DIS3L2: variants seen among roughly 807,000 people sequenced by gnomAD.
The protein encoded by DIS3L2 is DIS3-like exonuclease 2.
Under a neutral mutation model 97.5 loss-of-function variants are expected in DIS3L2, and 34 were observed. The ratio of observed to expected loss-of-function variants is 0.35; its 90% CI spans 0.27 to 0.46. The LOEUF is 0.46. Among genes scored for constraint, DIS3L2 ranks in the 20% least tolerant of loss-of-function variants. DIS3L2 has a pLI of 1.00. For synonymous variants in DIS3L2, 435 were observed against 445.2 expected (o/e 0.98, Z 0.29); for missense variants, 1,038 against 1,146.0 (o/e 0.91, Z 1.36).
intron 5 of DIS3L2, among the ~76,000 whole-genome samples, chr2:232,072,783 G>GGGGT (rs1401996898): frequency 1.3e-3 from 182 of 139,906 alleles, no homozygotes; most frequent in South Asian, 2.7e-3. Flanking sequence ...TGGGATGTGG[G>GGGGT]GTGTGTGTGT....
intron 6 of DIS3L2, among the ~76,000 whole-genome samples, chr2:232,121,276 C>T (rs1417533667): frequency 6.6e-6 from 1 of 152,198 alleles, no homozygotes; most frequent in Non-Finnish European, 1.5e-5. Flanking sequence ...TTTGTCTTCT[C>T]TGATTCCATA....
chr2:232,321,983 A>G (rs908074484), intron 14 of DIS3L2, among the ~76,000 whole-genome samples: 4 of 152,184 alleles, frequency 2.6e-5, no homozygotes, highest in African/African-American at 9.6e-5. Flanking sequence ...GTGGAAAGCC[A>G]GGTTCAGATG....
intron 1 of DIS3L2, among the ~76,000 whole-genome samples, chr2:232,012,026 A>T (rs894815091): frequency 2.0e-5 from 3 of 152,160 alleles, no homozygotes; most frequent in African/African-American, 7.2e-5. Flanking sequence ...TTGGTACCCA[A>T]ATGTGGCCTT....
At chr2:232,035,068 T>G (rs943852650) in intron 5 of DIS3L2, among the ~76,000 whole-genome samples, 2 of 152,168 alleles carry the variant, frequency 1.3e-5, no homozygotes, top group African/African-American at 4.8e-5. Context: ...TGACAGTGTC[T>G]TTTTGTCTTG....
At chr2:232,192,320 A>G (rs1691636985) in intron 9 of DIS3L2, among the ~76,000 whole-genome samples, 1 of 152,196 alleles carries the variant, frequency 6.6e-6, no homozygotes, top group Admixed American at 6.5e-5. Context: ...CTGAGGTCAC[A>G]TGACTGAGGG....
intron 1 of DIS3L2, among the ~76,000 whole-genome samples, chr2:231,982,583 T>C (rs1243745805): frequency 6.6e-6 from 1 of 152,198 alleles, no homozygotes; most frequent in Non-Finnish European, 1.5e-5. Context: ...TATATTACCA[T>C]TTAGTGAGAA....
At chr2:232,319,896 G>T (rs2106338411) in intron 14 of DIS3L2, among the ~76,000 whole-genome samples, 1 of 152,338 alleles carries the variant, frequency 6.6e-6, no homozygotes, top group Non-Finnish European at 1.5e-5. Context: ...CTGCCTGAAA[G>T]GACTCAGGGC....
At chr2:232,200,478 GAT>G (rs1691861022) in intron 9 of DIS3L2, among the ~76,000 whole-genome samples, 1 of 152,142 alleles carries the variant, frequency 6.6e-6, no homozygotes, top group African/African-American at 2.4e-5. Flanking sequence ...TTGCCACAGG[GAT>G]ATAGAGGCTC....
Position 232,136,669 on chromosome 2 carries a change from G to A in DIS3L2, c.900G>A (p.Leu300=), listed in dbSNP as rs749634733. 1 of 1,613,896 alleles carries A rather than the reference G, an allele frequency of 6.2e-7. No individual in the cohort carries two copies. Among genetic ancestry groups the A allele is most frequent in the Non-Finnish European group, 8.5e-7 (1 of 1,179,916 alleles). Residue 300 remains leucine (L), a synonymous_variant, in exon 8 of 21, where the codon CTG becomes CTA. Coordinates refer to ENST00000325385, the MANE Select transcript of DIS3L2 (RefSeq NM_152383.5). ...VARPKDYANT[L]FICRIVDWKE... is the part of the protein sequence containing the mutation. Reference sequence around the variant, plus strand: ...GGCCTAAAGATTATGCCAACACACTGTTCATCTGCCGCATTGTGGACTGGA... The same window carrying A: ...GGCCTAAAGATTATGCCAACACACTATTCATCTGCCGCATTGTGGACTGGA...
At chr2:232,109,741 A>G (rs12479142) in intron 6 of DIS3L2, among the ~76,000 whole-genome samples, 9,005 of 152,292 alleles carry the variant, frequency 0.059, 344 homozygotes, top group Admixed American at 0.098. Flanking sequence ...ACTTAAATGT[A>G]AAACCCTAAA....
Position 232,258,598 on chromosome 2 carries a change from CAAAAA to C in DIS3L2, c.1426-4591_1426-4587del, listed in dbSNP as rs35525137. Among the ~76,000 whole-genome samples, 52 of 74,642 alleles carry C rather than the reference CAAAAA, an allele frequency of 7.0e-4. No homozygotes were observed. In the South Asian group the frequency reaches 0.026, roughly 38 times the overall value. 49.0% of individuals were successfully genotyped at this position (74,642 alleles called of 152,430 possible). A position where few individuals can be genotyped will look rare whatever the true frequency, so the allele number is the denominator to read the frequency against. ...AGAGTGACAGAGCGAGACTCTGTCT[CAAAAA>C]AAAAAAAAAAAAAAAAAGGAAAGAG... On this transcript the variant is annotated intron_variant, in intron 12 of 20. Transcript: ENST00000325385.
chr2:232,175,132 C>G (rs1691116487), intron 9 of DIS3L2, among the ~76,000 whole-genome samples: 1 of 152,062 alleles, frequency 6.6e-6, no homozygotes, highest in Non-Finnish European at 1.5e-5. Context: ...TCAGCCCAGT[C>G]TTTCAATATT....
chr2:231,969,767 G>A (rs1372769721), intron 1 of DIS3L2, among the ~76,000 whole-genome samples: 3 of 152,118 alleles, frequency 2.0e-5, no homozygotes, highest in Non-Finnish European at 4.4e-5. Context: ...GATGGTGAGA[G>A]CAGATTACTT....
rs965838968 is a variant in DIS3L2, at chr2:232,000,033, A to G, written c.-93-14802A>G. Among the ~76,000 whole-genome samples, 3 of 152,122 alleles carry G rather than the reference A, an allele frequency of 2.0e-5. No individual in the cohort carries two copies. In the South Asian group the frequency reaches 6.2e-4, roughly 32 times the overall value. On this transcript the variant is annotated intron_variant, in intron 1 of 20. Transcript: ENST00000325385. Reference sequence around the variant, plus strand: ...ACAGGGGATTAGTTCCAGGACTCCTACAGCTACCAAAAAATGTGGATGCTC... The same window carrying G: ...ACAGGGGATTAGTTCCAGGACTCCTGCAGCTACCAAAAAATGTGGATGCTC...
At chr2:232,072,683 A>G (rs1181012926) in intron 5 of DIS3L2, among the ~76,000 whole-genome samples, 1 of 152,120 alleles carries the variant, frequency 6.6e-6, no homozygotes, top group African/African-American at 2.4e-5. Context: ...GACCCCTTAC[A>G]TGGCTATTGC....
chr2:232,316,549 C>T lies in DIS3L2; in HGVS notation c.1740-13264C>T, dbSNP rs75257974. ...GGGAGCGTGGAATCTGTGAGGAAGCCGAGGCAAGCTGTTAGGATTCTGTTC... is the reference window on the plus strand; with the variant it reads ...GGGAGCGTGGAATCTGTGAGGAAGCTGAGGCAAGCTGTTAGGATTCTGTTC... On this transcript the variant is annotated intron_variant, in intron 14 of 20. Coordinates refer to ENST00000325385, the MANE Select transcript of DIS3L2 (RefSeq NM_152383.5). 2.1e-4 allele frequency among the ~76,000 whole-genome samples: 32 copies of T among 152,206 alleles called. No homozygotes were observed. The South Asian group carries it at 5.2e-3, about 25-fold the overall frequency.
Position 232,037,288 on chromosome 2 carries a change from T to C in DIS3L2, c.366+7208T>C, listed in dbSNP as rs3116234. Reference sequence around the variant, plus strand: ...TGGCTACAGGGGCTTTGCGGTGCTGTGGTGGGCTCCGCCCAGCTTGAACTT... The same window carrying C: ...TGGCTACAGGGGCTTTGCGGTGCTGCGGTGGGCTCCGCCCAGCTTGAACTT... On this transcript the variant is annotated intron_variant, in intron 5 of 20. Coordinates refer to ENST00000325385, the MANE Select transcript of DIS3L2 (RefSeq NM_152383.5). This position sits in a 1 kb window ranked among gnomAD's most constrained non-coding sequence, Gnocchi z 4.6. 0.79 allele frequency among the ~76,000 whole-genome samples: 120,964 copies of C among 152,212 alleles called. 48,664 individuals are homozygous for C. Among genetic ancestry groups the C allele is most frequent in the African/African-American group, 0.9 (37,372 of 41,546 alleles).
intron 1 of DIS3L2, among the ~76,000 whole-genome samples, chr2:231,990,617 C>T (rs1004555777): frequency 6.6e-6 from 1 of 152,030 alleles, no homozygotes; most frequent in African/African-American, 2.4e-5. Context: ...ATTTTTGGGC[C>T]TTATTTGGTA....
downstream of DIS3L2, chr2:232,340,882 A>C (rs1356749514): frequency 8.5e-6 from 4 of 471,206 alleles, no homozygotes; most frequent in Middle Eastern, 9.7e-4. Context: ...TTCGTGGAGG[A>C]AAACTTCATG....
Sources: gnomAD v4.1 joint callset for allele counts (sites outside exome capture counted in the v4.1 genomes callset) on GRCh38, gnomAD v4.1.1 for gene constraint, Gnocchi (gnomAD v3.1) non-coding constraint, MANE v1.5 for transcripts, NCBI Gene and HGNC (gene_info 2026-07-23, HGNC 2026-07-21) for gene names.